The following OPCML variants were observed in gnomAD, a reference collection of about 807,000 sequenced individuals.
OPCML encodes opioid-binding protein/cell adhesion molecule.
OPCML carries 13 observed loss-of-function variants against 37.8 expected under a neutral mutation model. That is an observed-to-expected ratio of 0.34 (90% CI 0.22 to 0.55). The LOEUF is 0.55. Among genes scored for constraint, OPCML ranks in the 20% least tolerant of loss-of-function variants. The probability of loss-of-function intolerance (pLI) is 0.91; values close to 1 mark genes in which losing one functional copy is unlikely to be tolerated. For synonymous variants in OPCML, 176 were observed against 168.8 expected (o/e 1.04, Z -0.33); for missense variants, 341 against 435.6 (o/e 0.78, Z 1.93).
intron 1 of OPCML, among the ~76,000 whole-genome samples, chr11:133,155,090 C>CATTA (rs1176112055): frequency 6.6e-6 from 1 of 152,064 alleles, no homozygotes; most frequent in Non-Finnish European, 1.5e-5. Context: ...GGGAAGGTCT[C>CATTA]TTAATGCCAG....
At chr11:133,381,496 G>A (rs1198073583) in intron 1 of OPCML, among the ~76,000 whole-genome samples, 1 of 152,182 alleles carries the variant, frequency 6.6e-6, no homozygotes, top group African/African-American at 2.4e-5. Flanking sequence ...GTGGAGACCT[G>A]GAGCTCAGAG....
chr11:132,690,078 T>C (rs1004583146), intron 2 of OPCML, among the ~76,000 whole-genome samples: 1 of 152,118 alleles, frequency 6.6e-6, no homozygotes, highest in African/African-American at 2.4e-5. Context: ...AAAATATAGG[T>C]TTAGATTTCA....
At chr11:133,460,605 T>C (rs141244917) in intron 1 of OPCML, among the ~76,000 whole-genome samples, 2,025 of 151,930 alleles carry the variant, frequency 0.013, 57 homozygotes, top group African/African-American at 0.046. Flanking sequence ...AATGAACAAA[T>C]TCCTAGAAAC....
At chr11:132,570,804 T>TGAGAGAGAGAGAGAGAGAGAGAGAGAGAG (rs1271040683) in intron 3 of OPCML, among the ~76,000 whole-genome samples, 14 of 90,758 alleles carry the variant, frequency 1.5e-4, no homozygotes, top group African/African-American at 5.5e-4. Context: ...TATATATATT[T>TGAGAGAGAGAGAGAGAGAGAGAGAGAGAG]AGAGAGAGAG....
chr11:132,729,103 G>A (rs977011721), intron 2 of OPCML, among the ~76,000 whole-genome samples: 13 of 152,308 alleles, frequency 8.5e-5, no homozygotes, highest in Admixed American at 2.0e-4. Context: ...CTTCTCAAAT[G>A]CCACCGATGG....
chr11:132,938,857 C>T (rs1454937368), intron 2 of OPCML, among the ~76,000 whole-genome samples: 1 of 152,202 alleles, frequency 6.6e-6, no homozygotes, highest in African/African-American at 2.4e-5. Flanking sequence ...GTTCTCAATC[C>T]TGGCTCCACA....
chr11:133,108,926 G>A (rs1013696401), intron 1 of OPCML, among the ~76,000 whole-genome samples: 6 of 152,174 alleles, frequency 3.9e-5, no homozygotes, highest in Admixed American at 3.3e-4. Context: ...TGACTCCACT[G>A]CTCAGGGCCC....
intron 4 of OPCML, among the ~76,000 whole-genome samples, chr11:132,474,399 G>T (rs1248708019): frequency 6.6e-6 from 1 of 152,136 alleles, no homozygotes; most frequent in African/African-American, 2.4e-5. Flanking sequence ...GAGCCCAGGG[G>T]ATATGGAAAA....
At chr11:133,520,335 G>T (rs951633569) in intron 1 of OPCML, among the ~76,000 whole-genome samples, 7 of 152,112 alleles carry the variant, frequency 4.6e-5, no homozygotes, top group Non-Finnish European at 1.0e-4. Context: ...CTCCCAAGAA[G>T]CTGAGCCTGC....
chr11:132,861,503 C>T (rs746635350), intron 2 of OPCML, among the ~76,000 whole-genome samples: 3 of 152,198 alleles, frequency 2.0e-5, no homozygotes, highest in South Asian at 4.1e-4. Context: ...CTGTATGTGT[C>T]TCACTTTGTC....
rs186302009 is a variant in OPCML at position 132,759,915 on chromosome 11, G to A, written c.147-102596C>T. 2.7e-3 allele frequency among the ~76,000 whole-genome samples: 411 copies of A among 152,152 alleles called. 1 individual carries two copies. Among genetic ancestry groups the A allele is most frequent in the Admixed American group, 8.0e-3 (122 of 15,284 alleles). ...AGGGTGCCAATTTTAGATCTTTCCC[G>A]CTTTCTCATGTGGGAATTTAATGCT... On this transcript the variant is annotated intron_variant, in intron 2 of 7. Transcript: ENST00000524381.
intron 2 of OPCML, among the ~76,000 whole-genome samples, chr11:132,898,188 C>T (rs1487739874): frequency 6.6e-6 from 1 of 152,198 alleles, no homozygotes; most frequent in Non-Finnish European, 1.5e-5. Context: ...CCTGACATGA[C>T]ATCATTCCCC....
intron 2 of OPCML, chr11:132,859,589 T>G (rs933445205): frequency 6.6e-6 from 1 of 152,228 alleles, no homozygotes; most frequent in Non-Finnish European, 1.5e-5. Flanking sequence ...GCAGAAAAGA[T>G]AGACTGGAGC....
chr11:132,712,605 C>T (rs903808349), intron 2 of OPCML, among the ~76,000 whole-genome samples: 23 of 152,308 alleles, frequency 1.5e-4, no homozygotes, highest in African/African-American at 5.1e-4. Flanking sequence ...GCTGTATTGC[C>T]AGCTCCGCGC....
At chr11:132,619,141 TC>T (rs1166575634) in intron 3 of OPCML, among the ~76,000 whole-genome samples, 2 of 152,096 alleles carry the variant, frequency 1.3e-5, no homozygotes. Flanking sequence ...GGTTCGGTAC[TC>T]CAGCCAGCCA....
intron 1 of OPCML, among the ~76,000 whole-genome samples, chr11:133,144,655 T>G (rs1370084835): frequency 6.6e-6 from 1 of 152,242 alleles, no homozygotes; most frequent in African/African-American, 2.4e-5. Flanking sequence ...TTGATTATGG[T>G]CTGACTTCCT....
chr11:133,008,848 T>A (rs1947161474), intron 1 of OPCML: 1 of 976,868 alleles, frequency 1.0e-6, no homozygotes, highest in East Asian at 1.1e-4. Context: ...AGTCTCCATC[T>A]GAGAGTCAAT....
intron 1 of OPCML, among the ~76,000 whole-genome samples, chr11:133,134,657 G>T (rs553100995): frequency 1.1e-4 from 16 of 152,240 alleles, no homozygotes; most frequent in Non-Finnish European, 8.8e-5. Flanking sequence ...GGTCTTGTCC[G>T]CTGTCTTCCT....
chr11:133,087,230 G>C (rs989657460), intron 1 of OPCML, among the ~76,000 whole-genome samples: 1 of 152,164 alleles, frequency 6.6e-6, no homozygotes, highest in Admixed American at 6.5e-5. Context: ...TTTCCAAGTT[G>C]ATTTTTTTAA....
Sources: gnomAD v4.1 joint callset for allele counts (sites outside exome capture counted in the v4.1 genomes callset) on GRCh38, gnomAD v4.1.1 for gene constraint, MANE v1.5 for transcripts, NCBI Gene and HGNC (gene_info 2026-07-23, HGNC 2026-07-21) for gene names.